Variants in GMDS observed in about 807,000 individuals in gnomAD.
The protein encoded by GMDS is GDP-mannose 4,6-dehydratase, also known as GDP-mannose 4,6 dehydratase.
In GMDS, 20 loss-of-function variants were observed where a neutral mutation model predicts 49.9. The observed-to-expected ratio is 0.40, with a 90% CI of 0.28 to 0.58. The LOEUF is 0.58. Among genes scored for constraint, GMDS ranks in the 20% least tolerant of loss-of-function variants. GMDS has a pLI of 0.42. For synonymous variants in GMDS, 177 were observed against 178.6 expected, an observed-to-expected ratio of 0.99 and a Z score of 0.07; for missense variants, 362 against 481.4, an observed-to-expected ratio of 0.75 and a Z score of 2.32.
At chr6:1,626,418 A>T (rs1486456263) in intron 9 of GMDS, among the ~76,000 whole-genome samples, 2 of 152,252 alleles carry the variant, frequency 1.3e-5, no homozygotes. Flanking sequence ...GCTACAAGGA[A>T]ATAGCAATAT....
chr6:2,180,260 A>C (rs1778460878), intron 1 of GMDS, among the ~76,000 whole-genome samples: 1 of 152,244 alleles, frequency 6.6e-6, no homozygotes, highest in Non-Finnish European at 1.5e-5. Flanking sequence ...TCAAGATCTC[A>C]ACTTACAGAG....
chr6:1,675,070 T>A (rs1281170843), intron 9 of GMDS, among the ~76,000 whole-genome samples: 1 of 152,152 alleles, frequency 6.6e-6, no homozygotes, highest in Non-Finnish European at 1.5e-5. Context: ...CCCAAGTAGC[T>A]GGGATTACAG....
At chr6:1,818,391 T>A (rs1770754558) in intron 7 of GMDS, among the ~76,000 whole-genome samples, 1 of 152,064 alleles carries the variant, frequency 6.6e-6, no homozygotes. Context: ...GTGGATCACC[T>A]GAGGTCAGGA....
intron 1 of GMDS, among the ~76,000 whole-genome samples, chr6:2,214,643 G>A (rs1780235271): frequency 6.6e-6 from 1 of 152,086 alleles, no homozygotes; most frequent in Admixed American, 6.5e-5. Context: ...GGATACCAAG[G>A]AATGATTACA....
intron 4 of GMDS, among the ~76,000 whole-genome samples, chr6:2,030,076 G>A (rs748278757): frequency 2.0e-5 from 3 of 147,560 alleles, no homozygotes; most frequent in Non-Finnish European, 4.5e-5. Flanking sequence ...GGAGGGAAGC[G>A]GGTGCCCACA....
intron 4 of GMDS, among the ~76,000 whole-genome samples, chr6:2,066,084 T>C (rs1321171769): frequency 6.6e-6 from 1 of 152,176 alleles, no homozygotes; most frequent in African/African-American, 2.4e-5. Context: ...GCAGAAACTC[T>C]ACCAGCCAGA....
At chr6:1,812,674 G>A (rs530552287) in intron 7 of GMDS, among the ~76,000 whole-genome samples, 113 of 152,196 alleles carry the variant, frequency 7.4e-4, no homozygotes, top group Non-Finnish European at 1.2e-3. Context: ...ACTGATTCAG[G>A]ATCTGCAAAC....
chr6:1,700,414 C>G (rs1268206963), intron 9 of GMDS, among the ~76,000 whole-genome samples: 1 of 152,048 alleles, frequency 6.6e-6, no homozygotes, highest in Non-Finnish European at 1.5e-5. Flanking sequence ...CTCCTCAGTA[C>G]CACTGAAAGC....
At chr6:1,693,775 T>C (rs1376795967) in intron 9 of GMDS, among the ~76,000 whole-genome samples, 1 of 152,212 alleles carries the variant, frequency 6.6e-6, no homozygotes, top group African/African-American at 2.4e-5. Flanking sequence ...AAAGTTCTGT[T>C]ACTAGCAAGC....
At chr6:2,166,459 T>C (rs537773932) in intron 1 of GMDS, among the ~76,000 whole-genome samples, 2 of 152,322 alleles carry the variant, frequency 1.3e-5, no homozygotes, top group South Asian at 4.1e-4. Context: ...AAGAATATTT[T>C]CATTGTACAG....
At chr6:1,716,933 G>A (rs796360389) in intron 9 of GMDS, among the ~76,000 whole-genome samples, 7 of 152,314 alleles carry the variant, frequency 4.6e-5, no homozygotes, top group African/African-American at 1.7e-4. Flanking sequence ...GGTGTTTTCT[G>A]AGTGTGTACA....
At chr6:2,090,447 C>T (rs1773252647) in intron 4 of GMDS, among the ~76,000 whole-genome samples, 2 of 152,196 alleles carry the variant, frequency 1.3e-5, no homozygotes, top group Admixed American at 6.5e-5. Context: ...CATCAACCAA[C>T]AGTACATAGA....
intron 6 of GMDS, among the ~76,000 whole-genome samples, chr6:1,957,206 T>G (rs899331819): frequency 7.0e-4 from 107 of 152,348 alleles, no homozygotes; most frequent in African/African-American, 2.5e-3. Flanking sequence ...CACCTAGCTT[T>G]CAAGTCAGTA....
intron 1 of GMDS, among the ~76,000 whole-genome samples, chr6:2,194,815 T>C (rs1279593111): frequency 6.6e-6 from 1 of 152,224 alleles, no homozygotes. Context: ...AACTCTTGGT[T>C]ACCACTTGGC....
intron 9 of GMDS, among the ~76,000 whole-genome samples, chr6:1,672,766 T>C (rs1275493905): frequency 6.6e-6 from 1 of 152,136 alleles, no homozygotes; most frequent in African/African-American, 2.4e-5. Flanking sequence ...AATGGAACAG[T>C]GGTGATGCAA....
chr6:2,215,684 A>T (rs1252519451), intron 1 of GMDS, among the ~76,000 whole-genome samples: 2 of 152,078 alleles, frequency 1.3e-5, no homozygotes. Flanking sequence ...AAGGAAGGAA[A>T]GGAAGGAAGG....
At chr6:2,242,756 A>C (rs1157872798) in intron 1 of GMDS, among the ~76,000 whole-genome samples, 3 of 152,148 alleles carry the variant, frequency 2.0e-5, no homozygotes, top group African/African-American at 7.2e-5. Context: ...AACATATTTA[A>C]CCTTACTTAG....
intron 4 of GMDS, among the ~76,000 whole-genome samples, chr6:2,061,786 T>C (rs1771198123): frequency 6.6e-6 from 1 of 150,580 alleles, no homozygotes; most frequent in African/African-American, 2.4e-5. Flanking sequence ...ACTACCTCAG[T>C]TGGAATGATC....
rs573119273 is a variant in GMDS at position 2,198,111 on chromosome 6, A to G, written c.102+47210T>C. On this transcript the variant is annotated intron_variant, in intron 1 of 10. Coordinates refer to ENST00000380815, the MANE Select transcript of GMDS (RefSeq NM_001500.4). Reference sequence around the variant, plus strand: ...AATGATGGGAAAGTGTGTGAAATTTACTAAAATAAGCAGCCACTGGAAGGG... The same window carrying G: ...AATGATGGGAAAGTGTGTGAAATTTGCTAAAATAAGCAGCCACTGGAAGGG... 1.2e-4 allele frequency among the ~76,000 whole-genome samples: 18 copies of G among 152,332 alleles called. No individual in the cohort carries two copies. In the South Asian group the frequency reaches 3.7e-3, roughly 32 times the overall value.
Sources: gnomAD v4.1 joint callset for allele counts (sites outside exome capture counted in the v4.1 genomes callset) on GRCh38, gnomAD v4.1.1 for gene constraint, MANE v1.5 for transcripts, NCBI Gene and HGNC (gene_info 2026-07-23, HGNC 2026-07-21) for gene names.